The following GALNT14 variants were observed in gnomAD, a reference collection of about 807,000 sequenced individuals.
The protein encoded by GALNT14 is UDP-GalNAc:polypeptide N-acetylgalactosaminyltransferase 14.
In GALNT14, 60 loss-of-function variants were observed where a neutral mutation model predicts 77.5. The observed-to-expected ratio is 0.77, with a 90% CI of 0.63 to 0.96. The LOEUF is 0.96. Ranked by LOEUF, GALNT14 falls within the 40% of genes least tolerant of loss-of-function variation. The pLI, the probability that GALNT14 is intolerant of heterozygous loss-of-function variation, is 0.00. For missense variants in GALNT14, 710 were observed against 731.0 expected, an observed-to-expected ratio of 0.97 and a Z score of 0.33; for synonymous variants, 280 against 281.7, an observed-to-expected ratio of 0.99 and a Z score of 0.06.
At chr2:31,043,317 T>C (rs113329945) in intron 1 of GALNT14, among the ~76,000 whole-genome samples, 5 of 152,366 alleles carry the variant, frequency 3.3e-5, no homozygotes, top group African/African-American at 1.2e-4. Flanking sequence ...TTTACCTTTT[T>C]CTGATTTACC....
chr2:30,911,144 A>G, intron 14 of GALNT14, 85 bp from the exon 15 acceptor site: 2 of 1,262,976 alleles, frequency 1.6e-6, no homozygotes, highest in Non-Finnish European at 2.3e-6. Context: ...TAGGTGCCTC[A>G]TGTCTAGGGT....
intron 1 of GALNT14, among the ~76,000 whole-genome samples, chr2:31,070,344 A>G (rs1558544998): frequency 6.6e-6 from 1 of 152,222 alleles, no homozygotes; most frequent in Non-Finnish European, 1.5e-5. Context: ...TTCCTCTGGA[A>G]GAAACCTAGA....
chr2:30,981,523 G>GGGCATGAGAGGGTGGAGAAGGCC (rs1668987317), intron 2 of GALNT14, among the ~76,000 whole-genome samples: 1 of 152,146 alleles, frequency 6.6e-6, no homozygotes, highest in Non-Finnish European at 1.5e-5. Flanking sequence ...ACTGCGTGGA[G>GGGCATGAGAGGGTGGAGAAGGCC]GGCATGAGAG....
chr2:31,131,724 G>A (rs1241296554), intron 1 of GALNT14, among the ~76,000 whole-genome samples: 1 of 152,194 alleles, frequency 6.6e-6, no homozygotes, highest in Non-Finnish European at 1.5e-5. Context: ...AGCTGTGCAG[G>A]AATCCTGGGC....
At chr2:30,945,022 A>G in intron 7 of GALNT14, 80 bp from the exon 8 acceptor site, 1 of 1,273,134 alleles carries the variant, frequency 7.9e-7, no homozygotes, top group Non-Finnish European at 1.1e-6. Flanking sequence ...AAGGTCATGA[A>G]TGTACCCAGG....
chr2:30,993,046 C>T, intron 1 of GALNT14, 39 bp from the exon 2 acceptor site: 2 of 1,602,702 alleles, frequency 1.2e-6, no homozygotes, highest in Non-Finnish European at 1.7e-6. Flanking sequence ...GAACGGCTCC[C>T]TGTCCTCCAC....
At chr2:31,003,037 C>T (rs1293789916) in intron 1 of GALNT14, among the ~76,000 whole-genome samples, 5 of 152,150 alleles carry the variant, frequency 3.3e-5, no homozygotes, top group Non-Finnish European at 7.3e-5. Context: ...ATTTATTATG[C>T]TCTAACTCAC....
intron 3 of GALNT14, 57 bp downstream of exon 3, chr2:30,966,147 A>G: frequency 2.9e-6 from 4 of 1,382,530 alleles, no homozygotes; most frequent in Non-Finnish European, 4.1e-6. Context: ...GGGAGCAGAC[A>G]CACTGTCACC....
chr2:31,028,430 T>C (rs1484845049), intron 1 of GALNT14, among the ~76,000 whole-genome samples: 1 of 152,206 alleles, frequency 6.6e-6, no homozygotes, highest in African/African-American at 2.4e-5. Flanking sequence ...GAGACCCTAA[T>C]TCAGCCCTGC....
At chr2:30,971,047 G>C (rs1013870177) in intron 2 of GALNT14, among the ~76,000 whole-genome samples, 8 of 152,036 alleles carry the variant, frequency 5.3e-5, no homozygotes, top group Admixed American at 4.6e-4. Context: ...CACCTGCCTT[G>C]GAGCCCTACA....
intron 1 of GALNT14, among the ~76,000 whole-genome samples, chr2:31,022,249 C>A (rs1381102267): frequency 6.6e-6 from 1 of 152,214 alleles, no homozygotes; most frequent in African/African-American, 2.4e-5. Context: ...TAATGACAGG[C>A]AGATCAAAGC....
intron 2 of GALNT14, among the ~76,000 whole-genome samples, chr2:30,973,838 T>C (rs998544176): frequency 1.2e-4 from 19 of 152,234 alleles, no homozygotes; most frequent in Admixed American, 1.2e-3. Context: ...AAATCCTGTG[T>C]CTCAGAAAAG....
chr2:31,058,222 A>G (rs942822852), intron 1 of GALNT14, among the ~76,000 whole-genome samples: 22 of 152,220 alleles, frequency 1.4e-4, no homozygotes, highest in Non-Finnish European at 2.8e-4. Flanking sequence ...CACTAGCTAT[A>G]TAACATTGAG....
intron 1 of GALNT14, among the ~76,000 whole-genome samples, chr2:30,999,033 C>A (rs1670202586): frequency 1.3e-5 from 2 of 152,106 alleles, no homozygotes; most frequent in Non-Finnish European, 2.9e-5. Flanking sequence ...ACAGCCAGGG[C>A]CAAAAAAGGA....
chr2:31,040,703 G>A (rs895106937), intron 1 of GALNT14, among the ~76,000 whole-genome samples: 2 of 152,196 alleles, frequency 1.3e-5, no homozygotes, highest in African/African-American at 4.8e-5. Context: ...TGAGGCTTTT[G>A]TACAATCCTA....
chr2:31,132,272 A>T (rs569575266), intron 1 of GALNT14, among the ~76,000 whole-genome samples: 1 of 152,342 alleles, frequency 6.6e-6, no homozygotes, highest in South Asian at 2.1e-4. Context: ...TACCCATGGG[A>T]TAGAGGCTCA....
chr2:30,953,865 C>T (rs768851299), intron 6 of GALNT14, among the ~76,000 whole-genome samples: 7 of 152,320 alleles, frequency 4.6e-5, no homozygotes, highest in African/African-American at 4.8e-5. Context: ...CTCTTCCAAC[C>T]ATAACACCTC....
chr2:31,118,690 C>A (rs1678237747), intron 1 of GALNT14, among the ~76,000 whole-genome samples: 1 of 152,040 alleles, frequency 6.6e-6, no homozygotes, highest in Non-Finnish European at 1.5e-5. Flanking sequence ...TTTGAAAGTT[C>A]TCATGAATGC....
chr2:30,965,264 T>C (rs1173823275), intron 3 of GALNT14, among the ~76,000 whole-genome samples: 1 of 152,118 alleles, frequency 6.6e-6, no homozygotes, highest in East Asian at 1.9e-4. Flanking sequence ...ATTTAGTATC[T>C]CCAATGTCAG....
Sources: allele counts gnomAD v4.1 joint callset (sites outside exome capture counted in the v4.1 genomes callset), GRCh38; gene constraint gnomAD v4.1.1; transcripts MANE v1.5; gene names NCBI Gene and HGNC (gene_info 2026-07-23, HGNC 2026-07-21).